CMIP: variants seen among roughly 807,000 people sequenced by gnomAD.
CMIP encodes the protein C-Maf-inducing protein.
Under a neutral mutation model 97.3 loss-of-function variants are expected in CMIP, and 13 were observed. The observed-to-expected ratio is 0.13, with a 90% CI of 0.09 to 0.21. The LOEUF (loss-of-function observed/expected upper bound fraction) is 0.21. Ranked by LOEUF, CMIP falls within the 10% of genes least tolerant of loss-of-function variation. The pLI is 1.00. For synonymous variants in CMIP, 538 were observed against 436.3 expected, an observed-to-expected ratio of 1.23 and a Z score of -2.91; for missense variants, 847 against 1,024.9, an observed-to-expected ratio of 0.83 and a Z score of 2.37.
intron 1 of CMIP, among the ~76,000 whole-genome samples, chr16:81,581,537 T>C (rs958245825): frequency 3.3e-5 from 5 of 152,236 alleles, no homozygotes; most frequent in African/African-American, 1.2e-4. Context: ...CATAATCTTA[T>C]GGAACCGCAG....
intron 1 of CMIP, among the ~76,000 whole-genome samples, chr16:81,571,736 C>T (rs866927257): frequency 1.3e-5 from 2 of 152,276 alleles, no homozygotes; most frequent in Middle Eastern, 3.4e-3. Flanking sequence ...GCACGTCGTG[C>T]ACCTTGCGTG....
chr16:81,505,394 C>G (rs1041973736), intron 1 of CMIP, among the ~76,000 whole-genome samples: 1 of 152,200 alleles, frequency 6.6e-6, no homozygotes, highest in Non-Finnish European at 1.5e-5. Context: ...TCCTCCAGAC[C>G]CCACGCCTGG....
chr16:81,573,940 T>C (rs569199880), intron 1 of CMIP, among the ~76,000 whole-genome samples: 11 of 152,224 alleles, frequency 7.2e-5, no homozygotes, highest in Non-Finnish European at 1.5e-4. Flanking sequence ...ACCCTCCATT[T>C]TCTACCAACT....
rs545672120 is a variant in CMIP, at chr16:81,498,083, G to A, written c.300+52542G>A. 1.7e-3 allele frequency among the ~76,000 whole-genome samples: 254 copies of A among 152,334 alleles called. 1 individual carries two copies. Among genetic ancestry groups the A allele is most frequent in the African/African-American group, 5.8e-3 (243 of 41,560 alleles). Reference sequence around the variant, plus strand: ...ATTCATTCATTCTCAGAGTACCATGGTGGCTCTGAGGACAGAGGTCAGACC... The same window carrying A: ...ATTCATTCATTCTCAGAGTACCATGATGGCTCTGAGGACAGAGGTCAGACC... On this transcript the variant is annotated intron_variant, in intron 1 of 20. Transcript: ENST00000537098.
chr16:81,559,130 C>T (rs1335877046), intron 1 of CMIP, among the ~76,000 whole-genome samples: 6 of 151,820 alleles, frequency 4.0e-5, no homozygotes, highest in East Asian at 3.9e-4. Flanking sequence ...CTCCACAGGC[C>T]GGGCATGCTG....
intron 3 of CMIP, among the ~76,000 whole-genome samples, chr16:81,636,580 CAAAAAAAA>C (rs200195305): frequency 3.7e-5 from 4 of 106,686 alleles, no homozygotes; most frequent in Admixed American, 2.7e-4. Flanking sequence ...AACTTCGTCT[CAAAAAAAA>C]AAAAAAAAAA....
In CMIP at chr16:81,702,631, G is replaced by C; in HGVS notation, c.1906G>C (p.Gly636Arg). ...QRELKELQRK[G>R]GPTRLTLPSK... is the part of the protein sequence containing the mutation. ...CTGGTTTCTGTTGCAGCAAAGGAAAGGCGGGCCCACCAGGCTAACACTGCC... is the reference window on the plus strand; with the variant it reads ...CTGGTTTCTGTTGCAGCAAAGGAAACGCGGGCCCACCAGGCTAACACTGCC... The change falls in exon 17 of 21, where the codon GGC becomes CGC. Residue 636 changes from glycine to arginine, a missense_variant. This residue lies in a region of CMIP where 266 missense variants were observed against 384.2 expected (regional missense o/e 0.69). Coordinates refer to ENST00000537098, the MANE Select transcript of CMIP (RefSeq NM_198390.3). 1 of 1,613,636 alleles carries C rather than the reference G, an allele frequency of 6.2e-7. No individual in the cohort carries two copies. Among genetic ancestry groups the C allele is most frequent in the Non-Finnish European group, 8.5e-7 (1 of 1,179,746 alleles).
chr16:81,711,690 T>G lies in CMIP; in HGVS notation c.*1891T>G, dbSNP rs778374612. The stretch of plus-strand genomic sequence containing the variant: ...TGTTGCTTTTCCTGATGGTTAATAC[T>G]ACTGTCACGTAGCTGTGTACAAAGA... On this transcript the variant is annotated 3_prime_UTR_variant, in exon 21 of 21. Transcript: ENST00000537098. 1.3e-5 allele frequency: 2 copies of G among 152,032 alleles called. No homozygotes were observed. Among genetic ancestry groups the G allele is most frequent in the Admixed American group, 6.6e-5 (1 of 15,238 alleles). The allele number at this position is 152,032 out of a possible 1,614,324, so 9.4% of individuals were successfully genotyped here.
At chr16:81,547,381 G>A (rs1486531096) in intron 1 of CMIP, among the ~76,000 whole-genome samples, 1 of 152,128 alleles carries the variant, frequency 6.6e-6, no homozygotes, top group Non-Finnish European at 1.5e-5. Context: ...AAAGACCCCC[G>A]CTCCAGGCTC....
intron 9 of CMIP, among the ~76,000 whole-genome samples, chr16:81,674,547 T>A (rs749598808): frequency 1.3e-5 from 2 of 152,194 alleles, no homozygotes; most frequent in African/African-American, 2.4e-5. Flanking sequence ...GTAGCTGTGG[T>A]GAGTATTTAC....
chr16:81,693,154 G>A lies in CMIP; in HGVS notation c.1455-4G>A, dbSNP rs1358880916. 1 of 1,612,670 alleles carries A rather than the reference G, an allele frequency of 6.2e-7. No individual in the cohort carries two copies. Among genetic ancestry groups the A allele is most frequent in the Middle Eastern group, 1.7e-4 (1 of 6,060 alleles). ...CGCCGTGTTTTCCCCTGTTTTTGTT[G>A]CAGAGCTCTCGCACATGAGAAGTTC... On this transcript the variant is annotated splice_polypyrimidine_tract_variant and splice_region_variant and intron_variant, in intron 11 of 20. Coordinates refer to ENST00000537098, the MANE Select transcript of CMIP (RefSeq NM_198390.3).
At chr16:81,597,598 G>GT (rs958955926) in intron 1 of CMIP, among the ~76,000 whole-genome samples, 6 of 151,340 alleles carry the variant, frequency 4.0e-5, no homozygotes, top group South Asian at 2.1e-4. Flanking sequence ...GGGAGCGGGG[G>GT]GGGGGGAGTC....
chr16:81,704,173 TCCCCTCAGCCTCCTCCCTGC>T (rs1907760150), intron 18 of CMIP, 88 bp downstream of exon 18: 4 of 1,075,154 alleles, frequency 3.7e-6, no homozygotes, highest in Non-Finnish European at 5.1e-6. Flanking sequence ...CATCTTCCTT[TCCCCTCAGCCTCCTCCCTGC>T]CCCCTCCCCC....
chr16:81,578,747 C>G (rs2091244798), intron 1 of CMIP, among the ~76,000 whole-genome samples: 1 of 152,212 alleles, frequency 6.6e-6, no homozygotes, highest in African/African-American at 2.4e-5. Flanking sequence ...TCTCTGGGGA[C>G]CATGGCCTGG....
intron 6 of CMIP, among the ~76,000 whole-genome samples, chr16:81,664,049 G>T (rs1324663713): frequency 6.6e-6 from 1 of 152,120 alleles, no homozygotes; most frequent in Non-Finnish European, 1.5e-5. Flanking sequence ...GGGGCAGGGG[G>T]TATCTGGGAA....
At chr16:81,451,005 T>A (rs1310258600) in intron 1 of CMIP, among the ~76,000 whole-genome samples, 4 of 152,228 alleles carry the variant, frequency 2.6e-5, no homozygotes, top group Non-Finnish European at 5.9e-5. Flanking sequence ...GCTGCCTTGT[T>A]CTTTTTCATT....
chr16:81,619,998 G>A (rs1459247881), intron 2 of CMIP: 3 of 152,216 alleles, frequency 2.0e-5, no homozygotes, highest in Non-Finnish European at 4.4e-5. Flanking sequence ...TATTGGAAAG[G>A]ACTGGATGAT....
chr16:81,444,973 G>T lies in CMIP; in HGVS notation c.-269G>T, dbSNP rs1317920090. Among the ~76,000 whole-genome samples the T allele has an allele frequency of 8.3e-6, 1 of 121,170 alleles. No individual in the cohort carries two copies. Among genetic ancestry groups the T allele is most frequent in the Non-Finnish European group, 1.7e-5 (1 of 58,628 alleles). 79.5% of individuals were successfully genotyped at this position (121,170 alleles called of 152,430 possible). ...CCTCCCCCGCCCCTCCCCGTCGCCC[G>T]CCGAGCCCGGTCAGCCGCCGCGAGC... On this transcript the variant is annotated 5_prime_UTR_variant, in exon 1 of 21. Coordinates refer to ENST00000537098, the MANE Select transcript of CMIP (RefSeq NM_198390.3).
intron 9 of CMIP, among the ~76,000 whole-genome samples, chr16:81,675,464 C>T (rs1425967700): frequency 6.6e-6 from 1 of 151,824 alleles, no homozygotes; most frequent in Non-Finnish European, 1.5e-5. Context: ...AGTGAAATGC[C>T]CCCCTTAGCC....
Sources: gnomAD v4.1 joint callset for allele counts (sites outside exome capture counted in the v4.1 genomes callset) on GRCh38, gnomAD v4.1.1 for gene constraint, gnomAD v4.1.1 regional missense constraint, MANE v1.5 for transcripts, NCBI Gene and HGNC (gene_info 2026-07-23, HGNC 2026-07-21) for gene names.